Variants in SPAG16 observed in about 807,000 individuals in gnomAD.
The protein encoded by SPAG16 is sperm-associated antigen 16 protein.
Under a neutral mutation model 80.4 loss-of-function variants are expected in SPAG16, and 86 were observed. The observed-to-expected ratio is 1.07, with a 90% CI of 0.90 to 1.28. SPAG16 has a LOEUF of 1.28. SPAG16 is among the 50% of genes most tolerant of loss of function. The pLI is 0.00. For missense variants in SPAG16, 870 were observed against 765.3 expected (o/e 1.14, Z -1.61); for synonymous variants, 294 against 265.9 (o/e 1.11, Z -1.03).
At chr2:213,302,094 A>G (rs1304006589) in intron 3 of SPAG16, among the ~76,000 whole-genome samples, 5 of 152,184 alleles carry the variant, frequency 3.3e-5, no homozygotes, top group Admixed American at 2.6e-4. Flanking sequence ...TAGAATGTTC[A>G]TAGACAAAAT....
chr2:214,263,074 C>T (rs1316901984), intron 15 of SPAG16, among the ~76,000 whole-genome samples: 1 of 151,994 alleles, frequency 6.6e-6, no homozygotes, highest in Non-Finnish European at 1.5e-5. Context: ...ATAGTGAGAA[C>T]AATTAAGATC....
intron 5 of SPAG16, among the ~76,000 whole-genome samples, chr2:213,328,870 A>T (rs1194870600): frequency 6.6e-6 from 1 of 152,076 alleles, no homozygotes; most frequent in African/African-American, 2.4e-5. Context: ...GTGTTGAGGG[A>T]GGGACCTGGT....
chr2:213,348,878 G>T (rs887155737), intron 6 of SPAG16, among the ~76,000 whole-genome samples: 4 of 152,072 alleles, frequency 2.6e-5, no homozygotes, highest in Non-Finnish European at 4.4e-5. Context: ...TTCTTGAGGA[G>T]TATCTTTGTG....
At chr2:214,365,142 G>A (rs901336881) in intron 15 of SPAG16, among the ~76,000 whole-genome samples, 3 of 152,148 alleles carry the variant, frequency 2.0e-5, no homozygotes, top group South Asian at 2.1e-4. Flanking sequence ...CAGAAGGCGC[G>A]CTCCTGCTTT....
chr2:214,308,451 A>G (rs1306761702), intron 15 of SPAG16, among the ~76,000 whole-genome samples: 1 of 152,068 alleles, frequency 6.6e-6, no homozygotes, highest in African/African-American at 2.4e-5. Context: ...ATTATTTTGC[A>G]GATTTGTTTA....
In SPAG16 at chr2:213,592,561, C is replaced by T. The variant is rs550743213; in HGVS notation, c.1070+102471C>T. Among the ~76,000 whole-genome samples the T allele has an allele frequency of 3.3e-3, 507 of 152,294 alleles. 8 individuals carry two copies. Among genetic ancestry groups the T allele is most frequent in the Middle Eastern group, 6.8e-3 (2 of 294 alleles). On this transcript the variant is annotated intron_variant, in intron 10 of 15. Transcript: ENST00000331683. ...CTGATATTTAATATCTAAAAAACAT[C>T]CCGCAATCTTAACAATCTAGTAATA...
intron 9 of SPAG16, among the ~76,000 whole-genome samples, chr2:213,410,806 G>A (rs904764319): frequency 6.6e-6 from 1 of 152,080 alleles, no homozygotes; most frequent in African/African-American, 2.4e-5. Flanking sequence ...ACCAGGCATG[G>A]GCTGCATGGT....
chr2:214,099,750 A>G (rs2052865171), intron 13 of SPAG16, among the ~76,000 whole-genome samples: 1 of 152,078 alleles, frequency 6.6e-6, no homozygotes, highest in Admixed American at 6.6e-5. Flanking sequence ...CCATATTTTT[A>G]TATTTCCTTT....
intron 15 of SPAG16, among the ~76,000 whole-genome samples, chr2:214,360,962 C>T (rs982668633): frequency 2.6e-5 from 4 of 151,852 alleles, no homozygotes; most frequent in African/African-American, 9.7e-5. Context: ...AAATCTACCA[C>T]AGCCTGGGAC....
At chr2:214,034,608 C>T (rs1025654117) in intron 13 of SPAG16, among the ~76,000 whole-genome samples, 34 of 152,336 alleles carry the variant, frequency 2.2e-4, no homozygotes, top group Admixed American at 1.2e-3. Flanking sequence ...CTGGCTGCAG[C>T]GGGGTGGGCA....
intron 10 of SPAG16, among the ~76,000 whole-genome samples, chr2:213,772,852 G>A (rs1376860241): frequency 2.0e-5 from 3 of 151,944 alleles, no homozygotes; most frequent in African/African-American, 7.3e-5. Context: ...TGAACATGAG[G>A]TATTTGAGGT....
chr2:214,148,488 A>T (rs941613378), intron 14 of SPAG16, among the ~76,000 whole-genome samples: 3 of 152,128 alleles, frequency 2.0e-5, no homozygotes, highest in Admixed American at 6.6e-5. Flanking sequence ...ATGTTACCAA[A>T]GCAAGCCCAA....
chr2:213,325,064 A>G (rs996057714), intron 5 of SPAG16, among the ~76,000 whole-genome samples: 1 of 151,914 alleles, frequency 6.6e-6, no homozygotes, highest in East Asian at 1.9e-4. Flanking sequence ...TGCTTTCTGT[A>G]TGTTTATGTT....
chr2:214,108,259 A>G lies in SPAG16; in HGVS notation c.1591A>G (p.Arg531Gly), dbSNP rs149317605. 8 of 1,602,406 alleles carry G rather than the reference A, an allele frequency of 5.0e-6. No individual in the cohort carries two copies. In the East Asian group the frequency reaches 1.8e-4, roughly 36 times the overall value. The change falls in exon 14 of 16, where the codon AGG (arginine) becomes GGG (glycine). Residue 531 changes from arginine to glycine, a missense_variant and splice_region_variant. Coordinates refer to ENST00000331683, the MANE Select transcript of SPAG16 (RefSeq NM_024532.5). ...HSINDAIFDP[R>G]GHMIASCDAC... is the part of the protein sequence containing the mutation. Reference sequence around the variant, plus strand: ...TATCAATGATGCCATTTTTGATCCCAGGGTAAGTTCAGTTCTCCCAGTAAA... The same window carrying G: ...TATCAATGATGCCATTTTTGATCCCGGGGTAAGTTCAGTTCTCCCAGTAAA...
intron 15 of SPAG16, among the ~76,000 whole-genome samples, chr2:214,352,496 T>A (rs1405869373): frequency 6.6e-6 from 1 of 150,586 alleles, no homozygotes; most frequent in Non-Finnish European, 1.5e-5. Context: ...ATTGTGATAC[T>A]CAGCCTCAGA....
At chr2:213,298,631 A>G (rs147768448) in intron 3 of SPAG16, among the ~76,000 whole-genome samples, 13 of 152,358 alleles carry the variant, frequency 8.5e-5, no homozygotes, top group African/African-American at 2.9e-4. Context: ...TTCTGCTATC[A>G]TGGTCGAAAG....
At chr2:213,453,434 T>C (rs555079616) in intron 9 of SPAG16, among the ~76,000 whole-genome samples, 23 of 152,244 alleles carry the variant, frequency 1.5e-4, no homozygotes, top group Non-Finnish European at 2.8e-4. Context: ...CACTGGATGT[T>C]CAGCACTTGT....
In SPAG16 at chr2:213,706,196, A is replaced by G. The variant is rs552768501; in HGVS notation, c.1071-156289A>G. ...AGGGTCACTACGTGTTCTCACTACC[A>G]GGGCTATCTGTTAGAGTCTGCTGAA... On this transcript the variant is annotated intron_variant, in intron 10 of 15. Transcript: ENST00000331683. Among the ~76,000 whole-genome samples, 5 of 152,304 alleles carry G rather than the reference A, an allele frequency of 3.3e-5. No individual in the cohort carries two copies. The East Asian group carries it at 9.6e-4, about 29-fold the overall frequency.
At chr2:214,260,649 A>G (rs1468851762) in intron 15 of SPAG16, among the ~76,000 whole-genome samples, 1 of 152,134 alleles carries the variant, frequency 6.6e-6, no homozygotes, top group Non-Finnish European at 1.5e-5. Context: ...GATTCTCTTT[A>G]CAGCATGAGT....
Sources: gnomAD v4.1 joint callset for allele counts (sites outside exome capture counted in the v4.1 genomes callset) on GRCh38, gnomAD v4.1.1 for gene constraint, MANE v1.5 for transcripts, NCBI Gene and HGNC (gene_info 2026-07-23, HGNC 2026-07-21) for gene names.